Variants in TBCEL observed in about 807,000 individuals in gnomAD.
TBCEL encodes tubulin folding cofactor E like.
A neutral mutation model predicts 44.2 loss-of-function variants in TBCEL; 15 were observed. The ratio of observed to expected loss-of-function variants is 0.34; its 90% CI spans 0.23 to 0.52. The LOEUF (loss-of-function observed/expected upper bound fraction) is 0.52, where lower values mean the gene tolerates loss of function less well. Among genes scored for constraint, TBCEL ranks in the 20% least tolerant of loss-of-function variants. The pLI is 0.95. For synonymous variants in TBCEL, 171 were observed against 185.4 expected, an observed-to-expected ratio of 0.92 and a Z score of 0.63; for missense variants, 319 against 506.3, an observed-to-expected ratio of 0.63 and a Z score of 3.55.
chr11:121,052,514 C>G (rs1429990492), intron 4 of TBCEL, among the ~76,000 whole-genome samples: 1 of 151,880 alleles, frequency 6.6e-6, no homozygotes, highest in Non-Finnish European at 1.5e-5. Context: ...ATCCTAACTA[C>G]TCTTTTCTCC....
At chr11:121,061,390 C>CAT (rs141780654) in intron 8 of TBCEL, among the ~76,000 whole-genome samples, 34 of 151,086 alleles carry the variant, frequency 2.3e-4, no homozygotes, top group East Asian at 7.8e-4. Flanking sequence ...CACACATACA[C>CAT]ATATATATAT....
chr11:121,070,834 T>TA (rs1248859590), intron 8 of TBCEL, among the ~76,000 whole-genome samples: 4,099 of 137,638 alleles, frequency 0.03, 116 homozygotes, highest in African/African-American at 0.077. Context: ...TTAAAGTATT[T>TA]AAAAAAAAAA....
intron 2 of TBCEL, 67 bp from the exon 3 acceptor site, chr11:121,045,607 C>A: frequency 7.4e-7 from 1 of 1,352,198 alleles, no homozygotes. Context: ...AATGGGTTTT[C>A]AATAAATACT....
intron 2 of TBCEL, among the ~76,000 whole-genome samples, chr11:121,044,584 TA>T: frequency 6.6e-6 from 1 of 152,180 alleles, no homozygotes. Context: ...AAAAGCCTGA[TA>T]CCTAATAGTT....
At chr11:121,075,513 A>C (rs1005783185) in intron 8 of TBCEL, among the ~76,000 whole-genome samples, 2 of 151,980 alleles carry the variant, frequency 1.3e-5, no homozygotes, top group Non-Finnish European at 2.9e-5. Context: ...CTCTGTCTGC[A>C]AGAAAACTTT....
At chr11:121,051,953 A>G (rs1945536765) in intron 4 of TBCEL, among the ~76,000 whole-genome samples, 1 of 151,724 alleles carries the variant, frequency 6.6e-6, no homozygotes, top group South Asian at 2.1e-4. Flanking sequence ...CTTTCTACCC[A>G]TGGTTCTCCC....
chr11:121,047,639 C>G lies in TBCEL; in HGVS notation c.245C>G (p.Ser82Cys). The G allele has an allele frequency of 6.2e-7, 1 of 1,612,572 alleles. No homozygotes were observed. Among genetic ancestry groups the G allele is most frequent in the Non-Finnish European group, 8.5e-7 (1 of 1,179,116 alleles). Residue 82 changes from serine (S) to cysteine (C), a missense_variant, in exon 4 of 9, where the codon TCT becomes TGT. By Grantham distance (112) the Ser-to-Cys change is moderately radical. Transcript: ENST00000683345. The part of the protein sequence containing the change: ...FCAHVSELDL[S>C]DNKLEDWHEV... ...GCTCATGTGTCGGAACTAGATCTTTCTGACAACAAACTCGAAGACTGGCAT... is the reference window on the plus strand; with the variant it reads ...GCTCATGTGTCGGAACTAGATCTTTGTGACAACAAACTCGAAGACTGGCAT...
At chr11:121,066,128 C>T (rs1212498068) in intron 8 of TBCEL, among the ~76,000 whole-genome samples, 1 of 152,192 alleles carries the variant, frequency 6.6e-6, no homozygotes, top group Non-Finnish European at 1.5e-5. Context: ...CAGGGTACAG[C>T]CAAGGTTTCT....
At chr11:121,027,230 G>A (rs1358645061) in intron 1 of TBCEL, among the ~76,000 whole-genome samples, 1 of 152,058 alleles carries the variant, frequency 6.6e-6, no homozygotes, top group Non-Finnish European at 1.5e-5. Flanking sequence ...AAAGGGTGAA[G>A]GAATCCTTAT....
intron 2 of TBCEL, among the ~76,000 whole-genome samples, chr11:121,041,485 A>G (rs1945332571): frequency 6.6e-6 from 1 of 152,210 alleles, no homozygotes; most frequent in Non-Finnish European, 1.5e-5. Flanking sequence ...AGCAAGCAAT[A>G]TCACCAAAGA....
chr11:121,031,662 C>CTTT (rs1159376351), intron 1 of TBCEL, among the ~76,000 whole-genome samples: 194 of 101,838 alleles, frequency 1.9e-3, no homozygotes, highest in Non-Finnish European at 2.4e-3. Flanking sequence ...TTTTTTCTTT[C>CTTT]TTTTTTTTTT....
At chr11:121,056,541 G>A (rs1018461457) in intron 6 of TBCEL, among the ~76,000 whole-genome samples, 1 of 151,766 alleles carries the variant, frequency 6.6e-6, no homozygotes, top group African/African-American at 2.4e-5. Context: ...ATTATGATTA[G>A]TTTTATAAGA....
intron 1 of TBCEL, among the ~76,000 whole-genome samples, chr11:121,033,815 C>T (rs920303948): frequency 2.6e-5 from 4 of 152,108 alleles, no homozygotes; most frequent in Admixed American, 2.0e-4. Context: ...CTCCACTCCC[C>T]GTGCCCTCTG....
intron 8 of TBCEL, among the ~76,000 whole-genome samples, chr11:121,063,842 T>C (rs963065885): frequency 1.3e-5 from 2 of 152,220 alleles, no homozygotes; most frequent in Non-Finnish European, 2.9e-5. Flanking sequence ...ATCTACACTT[T>C]TGGAAGTTTT....
intron 4 of TBCEL, among the ~76,000 whole-genome samples, chr11:121,051,563 C>A (rs1945529623): frequency 6.6e-6 from 1 of 151,744 alleles, no homozygotes; most frequent in Admixed American, 6.6e-5. Flanking sequence ...CCTGCATGAA[C>A]TATTTAGCTG....
intron 7 of TBCEL, among the ~76,000 whole-genome samples, chr11:121,059,141 G>A (rs1427053083): frequency 2.6e-5 from 4 of 151,848 alleles, no homozygotes; most frequent in African/African-American, 9.7e-5. Flanking sequence ...AGGCTTTAAG[G>A]TTCTCTAAAG....
chr11:121,029,654 G>A (rs184283857), intron 1 of TBCEL, among the ~76,000 whole-genome samples: 2 of 152,176 alleles, frequency 1.3e-5, no homozygotes, highest in East Asian at 1.9e-4. Context: ...TCTTAAAACT[G>A]TGTGAAACTT....
intron 8 of TBCEL, among the ~76,000 whole-genome samples, chr11:121,075,155 A>G (rs968519424): frequency 6.6e-6 from 1 of 152,012 alleles, no homozygotes; most frequent in Non-Finnish European, 1.5e-5. Flanking sequence ...AAAGCTTACT[A>G]TATAGTCACA....
Position 121,045,681 on chromosome 11 carries a change from A to G in TBCEL, c.-10A>G. 6.4e-7 allele frequency: 1 copy of G among 1,568,540 alleles called. No homozygotes were observed. Among genetic ancestry groups the G allele is most frequent in the Non-Finnish European group, 8.6e-7 (1 of 1,162,082 alleles). ...TTTCTTGGTTTCTTGTAGCATTTTA[A>G]GAAAGAAAGATGGATCAACCTAGTG... On this transcript the variant is annotated 5_prime_UTR_variant, in exon 3 of 9. The change abolishes the stop of an existing upstream ORF in the 5' untranslated region. Coordinates refer to ENST00000683345, the MANE Select transcript of TBCEL (RefSeq NM_001363644.2).
Sources: gnomAD v4.1 joint callset for allele counts (sites outside exome capture counted in the v4.1 genomes callset) on GRCh38, gnomAD v4.1.1 for gene constraint, MANE v1.5 for transcripts, NCBI Gene and HGNC (gene_info 2026-07-23, HGNC 2026-07-21) for gene names.